The following BICC1 variants were observed in gnomAD, a reference collection of about 807,000 sequenced individuals.
The protein encoded by BICC1 is protein bicaudal C homolog 1.
In BICC1, 43 loss-of-function variants were observed where a neutral mutation model predicts 111.0. The observed-to-expected ratio is 0.39, with a 90% confidence interval of 0.30 to 0.50. BICC1 has a LOEUF of 0.50. BICC1 is among the 20% of genes least tolerant of loss of function. The pLI, the probability that BICC1 is intolerant of heterozygous loss-of-function variation, is 0.88. For synonymous variants in BICC1, 467 were observed against 434.4 expected (o/e 1.07, Z -0.93); for missense variants, 1,091 against 1,203.2 (o/e 0.91, Z 1.38).
chr10:58,786,795 T>C (rs1002561856), intron 4 of BICC1, 128 bp from the exon 5 acceptor site: 1 of 506,732 alleles, frequency 2.0e-6, no homozygotes. Context: ...ATTAAGATGA[T>C]CTTATTAAGA....
intron 3 of BICC1, among the ~76,000 whole-genome samples, chr10:58,726,890 C>T (rs973312322): frequency 5.9e-5 from 9 of 152,250 alleles, no homozygotes; most frequent in African/African-American, 1.4e-4. Flanking sequence ...GAAATTCAGA[C>T]GTATAGACTG....
intron 2 of BICC1, among the ~76,000 whole-genome samples, chr10:58,665,103 C>G (rs1437630764): frequency 6.6e-6 from 1 of 152,104 alleles, no homozygotes; most frequent in Non-Finnish European, 1.5e-5. Flanking sequence ...CTTGTTATTA[C>G]TTGGTAAAAA....
chr10:58,577,471 A>G (rs925106335), intron 1 of BICC1, among the ~76,000 whole-genome samples: 2 of 152,158 alleles, frequency 1.3e-5, no homozygotes, highest in Non-Finnish European at 2.9e-5. Flanking sequence ...AACAATTCCT[A>G]CAGTACTTCT....
At chr10:58,764,258 T>C (rs537632165) in intron 3 of BICC1, among the ~76,000 whole-genome samples, 126 of 152,276 alleles carry the variant, frequency 8.3e-4, no homozygotes, top group African/African-American at 2.9e-3. Context: ...TGACAGTGAA[T>C]TGGCAGAAAC....
chr10:58,662,827 C>T (rs1838885694), intron 2 of BICC1, among the ~76,000 whole-genome samples: 1 of 152,146 alleles, frequency 6.6e-6, no homozygotes, highest in Non-Finnish European at 1.5e-5. Flanking sequence ...GAGTTCTGAA[C>T]ATTCAGTTAC....
At chr10:58,755,297 T>A (rs1440086835) in intron 3 of BICC1, among the ~76,000 whole-genome samples, 2 of 152,200 alleles carry the variant, frequency 1.3e-5, no homozygotes, top group Non-Finnish European at 2.9e-5. Context: ...TTTCCTGCGC[T>A]ATTGTTTTGC....
chr10:58,590,263 C>T (rs1405693820), intron 1 of BICC1, among the ~76,000 whole-genome samples: 2 of 152,224 alleles, frequency 1.3e-5, no homozygotes, highest in African/African-American at 4.8e-5. Flanking sequence ...GTGCCTATCC[C>T]TTGCCTAGCT....
At chr10:58,626,676 G>A (rs911294715) in intron 2 of BICC1, among the ~76,000 whole-genome samples, 7 of 152,118 alleles carry the variant, frequency 4.6e-5, no homozygotes, top group African/African-American at 1.7e-4. Context: ...CACCTGCTTC[G>A]AGTTGCATTG....
At chr10:58,587,207 G>A (rs1426535445) in intron 1 of BICC1, among the ~76,000 whole-genome samples, 2 of 152,134 alleles carry the variant, frequency 1.3e-5, no homozygotes, top group East Asian at 3.9e-4. Flanking sequence ...TGTTCTGCTT[G>A]CTTTACCTAA....
intron 2 of BICC1, among the ~76,000 whole-genome samples, chr10:58,659,700 C>T (rs976583747): frequency 2.0e-5 from 3 of 152,036 alleles, no homozygotes; most frequent in Non-Finnish European, 2.9e-5. Context: ...ACATGTACCC[C>T]TGAAACCAAG....
At chr10:58,786,830 T>C (rs1843022859) in intron 4 of BICC1, 93 bp from the exon 5 acceptor site, 1 of 957,094 alleles carries the variant, frequency 1.0e-6, no homozygotes, top group Non-Finnish European at 1.4e-6. Flanking sequence ...CTGACTTGCT[T>C]TTTGTTAATA....
At chr10:58,620,073 C>G (rs1017794638) in intron 1 of BICC1, among the ~76,000 whole-genome samples, 13 of 152,182 alleles carry the variant, frequency 8.5e-5, no homozygotes, top group African/African-American at 3.1e-4. Flanking sequence ...TAGAAAGATG[C>G]AGTCTGAGTC....
intron 1 of BICC1, among the ~76,000 whole-genome samples, chr10:58,598,024 G>T (rs1844880669): frequency 6.6e-6 from 1 of 152,094 alleles, no homozygotes; most frequent in African/African-American, 2.4e-5. Context: ...AGGATTAAGA[G>T]ATTAAAGACA....
chr10:58,793,700 T>C, intron 9 of BICC1, 85 bp downstream of exon 9: 1 of 1,437,510 alleles, frequency 7.0e-7, no homozygotes, highest in East Asian at 2.3e-5. Context: ...TTTATTTGCA[T>C]ATACATGAAA....
chr10:58,800,752 T>C (rs1330933390), intron 13 of BICC1, 138 bp from the exon 14 acceptor site: 1 of 822,886 alleles, frequency 1.2e-6, no homozygotes, highest in African/African-American at 1.7e-5. Flanking sequence ...AGGTGTTTCT[T>C]TGCAGATGGA....
chr10:58,601,172 C>A (rs12268364), intron 1 of BICC1, among the ~76,000 whole-genome samples: 34,872 of 72,576 alleles, frequency 0.48, 5,392 homozygotes, highest in East Asian at 0.63. Context: ...ATATATATAT[C>A]TCCCAATAAA....
chr10:58,558,721 A>G (rs1227118890), intron 1 of BICC1, among the ~76,000 whole-genome samples: 1 of 152,092 alleles, frequency 6.6e-6, no homozygotes. Context: ...GCAGTTTATA[A>G]ACAACAGAAA....
At chr10:58,608,971 G>C (rs1845325927) in intron 1 of BICC1, among the ~76,000 whole-genome samples, 1 of 152,200 alleles carries the variant, frequency 6.6e-6, no homozygotes, top group Admixed American at 6.5e-5. Context: ...TAGCAAAACA[G>C]ACTGCCTGGT....
At chr10:58,787,761 A>G (rs1036962606) in intron 5 of BICC1, among the ~76,000 whole-genome samples, 1 of 152,198 alleles carries the variant, frequency 6.6e-6, no homozygotes, top group African/African-American at 2.4e-5. Context: ...ACAGAAAGCT[A>G]TAGTAAAAAG....
Sources: allele counts gnomAD v4.1 joint callset (sites outside exome capture counted in the v4.1 genomes callset), GRCh38; gene constraint gnomAD v4.1.1; transcripts MANE v1.5; gene names NCBI Gene and HGNC (gene_info 2026-07-23, HGNC 2026-07-21).